Variants in MTPN observed in about 807,000 individuals in gnomAD.
The protein encoded by MTPN is myotrophin.
In MTPN, 2 loss-of-function variants were observed where a neutral mutation model predicts 13.5. The observed-to-expected ratio is 0.15, with a 90% CI of 0.06 to 0.47. The LOEUF (loss-of-function observed/expected upper bound fraction) is 0.47. MTPN is among the 20% of genes least tolerant of loss of function. MTPN has a pLI of 0.97. For missense variants in MTPN, 79 were observed against 137.9 expected (o/e 0.57, Z 2.14); for synonymous variants, 46 against 51.7 (o/e 0.89, Z 0.48).
intron 1 of MTPN, 97 bp downstream of exon 1, chr7:135,976,932 C>T: frequency 1.8e-6 from 1 of 563,760 alleles, no homozygotes. Context: ...TCTCCTCCCG[C>T]CCACCCCCAT....
chr7:135,932,670 A>G (rs1432096495), intron 3 of MTPN: 1 of 152,110 alleles, frequency 6.6e-6, no homozygotes, highest in Non-Finnish European at 1.5e-5. Flanking sequence ...AGACAAAAGA[A>G]GCCTTAAGAT....
intron 1 of MTPN, among the ~76,000 whole-genome samples, chr7:135,961,325 T>C (rs953337918): frequency 1.7e-4 from 26 of 151,500 alleles, no homozygotes; most frequent in African/African-American, 6.3e-4. Flanking sequence ...ATTCCCCCCC[T>C]CCCAAAAATA....
chr7:135,976,940 C>CA, intron 1 of MTPN, 89 bp downstream of exon 1: 20 of 778,852 alleles, frequency 2.6e-5, no homozygotes, highest in Non-Finnish European at 3.3e-5. Context: ...CGCCCACCCC[C>CA]ATCCCCGCAG....
chr7:135,937,094 T>C (rs1466992442), intron 3 of MTPN, among the ~76,000 whole-genome samples: 4 of 152,182 alleles, frequency 2.6e-5, no homozygotes, highest in Non-Finnish European at 5.9e-5. Context: ...CTAATTCCCC[T>C]GTATATTATC....
Position 135,977,225 on chromosome 7 carries a change from A to G in MTPN, c.-125T>C, listed in dbSNP as rs1799793144. 1.0e-6 allele frequency: 1 copy of G among 966,368 alleles called. No individual in the cohort carries two copies. The highest frequency in any genetic ancestry group is 1.3e-5 in the South Asian group (1 of 74,510). The allele number at this position is 966,368 out of a possible 1,614,324, so 59.9% of individuals were successfully genotyped here. On this transcript the variant is annotated 5_prime_UTR_variant, in exon 1 of 4. Transcript: ENST00000393085. ...AGCCGGAGAGGAGAAGAAGAGAAGG[A>G]GGGTTAGGCTGCCAGGCGGGCGAGG...
chr7:135,962,629 T>C (rs1353646378), intron 1 of MTPN, among the ~76,000 whole-genome samples: 4 of 152,018 alleles, frequency 2.6e-5, no homozygotes, highest in Non-Finnish European at 4.4e-5. Context: ...GGTTTTAATA[T>C]GAAACATAAA....
In MTPN at chr7:135,933,910, C is replaced by T. The variant is rs994717937; in HGVS notation, c.271-3898G>A. The stretch of plus-strand genomic sequence containing the variant: ...TGCTGTCTTGTGATAGAGTAGAGTT[C>T]TCATGAGACCTGGTTGCTTAAAAGT... On this transcript the variant is annotated intron_variant, in intron 3 of 3. Transcript: ENST00000393085. Among the ~76,000 whole-genome samples the T allele has an allele frequency of 5.9e-5, 9 of 152,238 alleles. No individual in the cohort carries two copies. The South Asian group carries it at 1.7e-3, about 28-fold the overall frequency.
chr7:135,940,189 T>C (rs1227331462), intron 3 of MTPN, among the ~76,000 whole-genome samples: 1 of 152,206 alleles, frequency 6.6e-6, no homozygotes, highest in Non-Finnish European at 1.5e-5. Flanking sequence ...AACCTTACAC[T>C]GTTTAAATAT....
intron 3 of MTPN, among the ~76,000 whole-genome samples, chr7:135,947,291 C>T (rs184378998): frequency 3.0e-4 from 46 of 152,252 alleles, no homozygotes; most frequent in African/African-American, 1.1e-3. Flanking sequence ...GGCCTTGGAT[C>T]AGCTCTTGCC....
chr7:135,953,386 T>G (rs1346197548), intron 1 of MTPN, among the ~76,000 whole-genome samples: 1 of 152,206 alleles, frequency 6.6e-6, no homozygotes, highest in Non-Finnish European at 1.5e-5. Context: ...TATATTTTCC[T>G]ACAGTATGAT....
chr7:135,961,504 G>A lies in MTPN; in HGVS notation c.73-9874C>T, dbSNP rs1044775199. 5.9e-5 allele frequency among the ~76,000 whole-genome samples: 9 copies of A among 151,972 alleles called. No individual in the cohort carries two copies. The East Asian group carries it at 1.7e-3, about 29-fold the overall frequency. On this transcript the variant is annotated intron_variant, in intron 1 of 3. Coordinates refer to ENST00000393085, the MANE Select transcript of MTPN (RefSeq NM_145808.4). Reference sequence around the variant, plus strand: ...ACTATCTATAGCAATGATATTTGGAGAGAGTTTGAGATATATACCTTTTTT... The same window carrying A: ...ACTATCTATAGCAATGATATTTGGAAAGAGTTTGAGATATATACCTTTTTT...
At chr7:135,974,858 G>A (rs192174686) in intron 1 of MTPN, among the ~76,000 whole-genome samples, 4 of 152,298 alleles carry the variant, frequency 2.6e-5, no homozygotes, top group African/African-American at 9.6e-5. Context: ...GGACCTGAAA[G>A]TATAAATGGG....
chr7:135,977,206 AGAG>A lies in MTPN; in HGVS notation c.-109_-107del, dbSNP rs764012275. ...GGGAGGCAGGGCCGCGCGAAGCCGG[AGAG>A]GAGAAGAAGAGAAGGAGGGTTAGGC... On this transcript the variant is annotated 5_prime_UTR_variant, in exon 1 of 4. Coordinates refer to ENST00000393085, the MANE Select transcript of MTPN (RefSeq NM_145808.4). The A allele has an allele frequency of 2.1e-5, 25 of 1,166,088 alleles. No homozygotes were observed. Among genetic ancestry groups the A allele is most frequent in the East Asian group, 4.7e-5 (2 of 42,588 alleles). 72.2% of individuals were successfully genotyped at this position (1,166,088 alleles called of 1,614,324 possible). A position where few individuals can be genotyped will look rare whatever the true frequency, so the allele number is the denominator to read the frequency against.
intron 1 of MTPN, among the ~76,000 whole-genome samples, chr7:135,973,459 G>A (rs1440260864): frequency 6.6e-6 from 1 of 150,842 alleles, no homozygotes; most frequent in Non-Finnish European, 1.5e-5. Context: ...TGAAAATGGA[G>A]ACACAATAGG....
At chr7:135,976,735 A>C (rs983661642) in intron 1 of MTPN, among the ~76,000 whole-genome samples, 1 of 152,194 alleles carries the variant, frequency 6.6e-6, no homozygotes, top group Non-Finnish European at 1.5e-5. Flanking sequence ...TGCGCAGAAG[A>C]AACTCTGGAT....
At chr7:135,974,109 G>A (rs112898695) in intron 1 of MTPN, among the ~76,000 whole-genome samples, 5 of 152,138 alleles carry the variant, frequency 3.3e-5, no homozygotes, top group African/African-American at 1.2e-4. Context: ...TGGGGACTGT[G>A]AACTGACTTT....
intron 1 of MTPN, among the ~76,000 whole-genome samples, chr7:135,953,717 G>C (rs1202744178): frequency 6.6e-6 from 1 of 152,116 alleles, no homozygotes; most frequent in African/African-American, 2.4e-5. Flanking sequence ...CTAAATTATA[G>C]AGTGTTTCCA....
chr7:135,960,724 A>G (rs936877804), intron 1 of MTPN: 1 of 152,098 alleles, frequency 6.6e-6, no homozygotes, highest in Non-Finnish European at 1.5e-5. Context: ...GGCAGCACAT[A>G]TACTAAAATT....
intron 1 of MTPN, among the ~76,000 whole-genome samples, chr7:135,966,902 T>C (rs935510203): frequency 7.9e-5 from 12 of 152,156 alleles, no homozygotes; most frequent in African/African-American, 2.9e-4. Flanking sequence ...TCAAGTGCTA[T>C]GACCCCTGTC....
Sources: gnomAD v4.1 joint callset for allele counts (sites outside exome capture counted in the v4.1 genomes callset) on GRCh38, gnomAD v4.1.1 for gene constraint, MANE v1.5 for transcripts, NCBI Gene and HGNC (gene_info 2026-07-23, HGNC 2026-07-21) for gene names.